Variants in DEFB134 observed in about 807,000 individuals in gnomAD.
The protein encoded by DEFB134 is defensin beta 134, also known as beta-defensin 134.
A neutral mutation model predicts 7.4 loss-of-function variants in DEFB134; 7 were observed. That is an observed-to-expected ratio of 0.95 (90% CI 0.54 to 1.79). The LOEUF is 1.79. DEFB134 is among the 40% of genes most tolerant of loss of function. DEFB134 has a pLI of 0.00. For missense variants in DEFB134, 105 were observed against 74.8 expected, an observed-to-expected ratio of 1.40 and a Z score of -1.49; for synonymous variants, 33 against 25.0, an observed-to-expected ratio of 1.32 and a Z score of -0.96.
At chr8:11,994,865 G>C (rs1456796145) in intron 1 of DEFB134, among the ~76,000 whole-genome samples, 2 of 152,088 alleles carry the variant, frequency 1.3e-5, no homozygotes, top group East Asian at 1.9e-4. Context: ...ATATCTCTGA[G>C]AGAGGAAAAA....
chr8:11,996,070 A>T, intron 1 of DEFB134, 124 bp downstream of exon 2: 2 of 1,159,226 alleles, frequency 1.7e-6, no homozygotes, highest in Non-Finnish European at 2.5e-6. Context: ...CATCAAAACT[A>T]GTTGATGCTT....
chr8:12,000,058 A>G (rs1013185265), upstream of DEFB134, among the ~76,000 whole-genome samples: 1 of 152,192 alleles, frequency 6.6e-6, no homozygotes, highest in African/African-American at 2.4e-5. Flanking sequence ...TGCAATTGAA[A>G]TGTCCCTGTC....
chr8:11,995,785 A>T (rs1800102613), intron 1 of DEFB134, among the ~76,000 whole-genome samples: 1 of 152,242 alleles, frequency 6.6e-6, no homozygotes, highest in Non-Finnish European at 1.5e-5. Context: ...GGAAGACAGG[A>T]TGGGCATTAC....
At chr8:11,996,204 T>G in exon 1 of DEFB134, 1 of 1,613,728 alleles carries the variant, frequency 6.2e-7, no homozygotes, top group Non-Finnish European at 8.5e-7. Context: ...CTGCCAGCAC[T>G]GGATCCCAAA....
At chr8:11,997,302 G>A (rs1800151880), upstream of DEFB134, among the ~76,000 whole-genome samples, 1 of 152,130 alleles carries the variant, frequency 6.6e-6, no homozygotes, top group South Asian at 2.1e-4. Flanking sequence ...ACATCTATGT[G>A]TTTATCCAGT....
At chr8:11,996,526 G>T (rs571363267), upstream of DEFB134, among the ~76,000 whole-genome samples, 203 of 152,290 alleles carry the variant, frequency 1.3e-3, no homozygotes, top group Non-Finnish European at 2.3e-3. Context: ...GTACATGGAG[G>T]CCTGAGAACT....
At chr8:11,997,765 A>T (rs1205482255), upstream of DEFB134, among the ~76,000 whole-genome samples, 1 of 152,196 alleles carries the variant, frequency 6.6e-6, no homozygotes, top group Non-Finnish European at 1.5e-5. Context: ...ACCACACAAT[A>T]ATAACGAAAG....
At chr8:11,999,500 C>T (rs1800215679), upstream of DEFB134, 1 of 152,516 alleles carries the variant, frequency 6.6e-6, no homozygotes, top group Admixed American at 6.5e-5. Context: ...AGTTAAAAAA[C>T]CCCAAGACCA....
At chr8:11,998,678 G>C (rs1373176417), upstream of DEFB134, among the ~76,000 whole-genome samples, 1 of 151,914 alleles carries the variant, frequency 6.6e-6, no homozygotes, top group Non-Finnish European at 1.5e-5. Flanking sequence ...GCAGAGGAAA[G>C]AAATAACCAA....
At chr8:11,996,390 A>G (rs913013662), upstream of DEFB134, 4 of 834,504 alleles carry the variant, frequency 4.8e-6, no homozygotes, top group African/African-American at 6.8e-5. Context: ...GATATGCTAC[A>G]CTGAACACCC....
At chr8:11,996,334 G>C, upstream of DEFB134, 1 of 1,502,882 alleles carries the variant, frequency 6.7e-7, no homozygotes, top group Non-Finnish European at 9.2e-7. Context: ...TGAGCACACA[G>C]TCCTATACAA....
chr8:11,997,327 T>A (rs1455846118), upstream of DEFB134, among the ~76,000 whole-genome samples: 1 of 152,352 alleles, frequency 6.6e-6, no homozygotes, highest in Middle Eastern at 3.4e-3. Context: ...TATTGATTGA[T>A]GTTTGATTAT....
intron 1 of DEFB134, among the ~76,000 whole-genome samples, chr8:11,995,365 A>C (rs931202987): frequency 6.6e-6 from 1 of 152,226 alleles, no homozygotes; most frequent in Non-Finnish European, 1.5e-5. Flanking sequence ...GATGTGATTC[A>C]TTTGCCTGGA....
At chr8:11,993,939 C>A in exon 2 of DEFB134, 1 of 1,591,546 alleles carries the variant, frequency 6.3e-7, no homozygotes, top group South Asian at 1.2e-5. Context: ...ATGGCAGAAT[C>A]AAGGGCCTAC....
In DEFB134 at chr8:11,994,141, G is replaced by T; in HGVS notation, c.59-19C>A. 6.2e-7 allele frequency: 1 copy of T among 1,606,364 alleles called. No individual in the cohort carries two copies. ...TTTATACCTGGAAGGAAAATGAATA[G>T]AAAGATAATTCACTACAGGCCTTTT... is the stretch of plus-strand genomic sequence containing the variant. On this transcript the variant is annotated intron_variant, in intron 1 of 1. Coordinates refer to ENST00000526438, the Ensembl canonical transcript of DEFB134.
chr8:11,996,997 C>T (rs1800141992), upstream of DEFB134, among the ~76,000 whole-genome samples: 1 of 152,158 alleles, frequency 6.6e-6, no homozygotes, highest in South Asian at 2.1e-4. Context: ...GTTTGTGAGA[C>T]CATTGTCACA....
intron 1 of DEFB134, among the ~76,000 whole-genome samples, chr8:11,994,950 A>C (rs569728319): frequency 6.6e-6 from 1 of 152,324 alleles, no homozygotes; most frequent in African/African-American, 2.4e-5. Flanking sequence ...ATCAATTCTG[A>C]AGATTTGAGA....
At chr8:11,995,958 CAA>C (rs34837269) in intron 1 of DEFB134, among the ~76,000 whole-genome samples, 5 of 139,816 alleles carry the variant, frequency 3.6e-5, no homozygotes, top group Non-Finnish European at 1.5e-5. Context: ...TCAGTTCAGC[CAA>C]AAAAAAAAAG....
chr8:11,993,795 T>C (rs1800041445), exon 2 of DEFB134: 1 of 716,548 alleles, frequency 1.4e-6, no homozygotes, highest in Non-Finnish European at 2.1e-6. Context: ...CGAGCTCTTT[T>C]AAAGAAGGCT....
Sources: allele counts gnomAD v4.1 joint callset (sites outside exome capture counted in the v4.1 genomes callset), GRCh38; gene constraint gnomAD v4.1.1; transcripts MANE v1.5; gene names NCBI Gene and HGNC (gene_info 2026-07-23, HGNC 2026-07-21).